Variants in CCT3 observed in about 807,000 individuals in gnomAD.
CCT3 encodes T-complex protein 1 subunit gamma.
In CCT3, 10 loss-of-function variants were observed where a neutral mutation model predicts 65.3. That is an observed-to-expected ratio of 0.15 (90% CI 0.09 to 0.26). The LOEUF (loss-of-function observed/expected upper bound fraction) is 0.26. CCT3 is among the 10% of genes least tolerant of loss of function. CCT3 has a pLI of 1.00. For missense variants in CCT3, 626 were observed against 708.7 expected (o/e 0.88, Z 1.33); for synonymous variants, 225 against 242.3 (o/e 0.93, Z 0.66).
intron 5 of CCT3, among the ~76,000 whole-genome samples, chr1:156,329,917 C>T (rs182755515): frequency 2.1e-4 from 31 of 149,564 alleles, no homozygotes; most frequent in Admixed American, 2.0e-3. Flanking sequence ...CCAGCCTGGG[C>T]GACAGTATGA....
At chr1:156,335,537 C>T in intron 2 of CCT3, 1 of 370,288 alleles carries the variant, frequency 2.7e-6, no homozygotes, top group East Asian at 4.4e-5. Context: ...TACTTATGTT[C>T]AAGTAACTCA....
intron 5 of CCT3, chr1:156,332,544 A>C (rs941579823): frequency 6.6e-6 from 1 of 152,224 alleles, no homozygotes; most frequent in Non-Finnish European, 1.5e-5. Context: ...ATAGTCATTC[A>C]TGGAAATTCA....
intron 10 of CCT3, among the ~76,000 whole-genome samples, chr1:156,313,226 C>A (rs1001769299): frequency 6.6e-6 from 1 of 151,648 alleles, no homozygotes; most frequent in African/African-American, 2.4e-5. Context: ...GTACTCCCAG[C>A]TACTTGGGAG....
intron 10 of CCT3, among the ~76,000 whole-genome samples, chr1:156,312,641 G>C (rs1361984594): frequency 1.3e-5 from 2 of 150,126 alleles, no homozygotes; most frequent in African/African-American, 4.9e-5. Context: ...CTAGATAACA[G>C]AGTGGGACCC....
chr1:156,317,590 T>C lies in CCT3; in HGVS notation c.760-43A>G, dbSNP rs199936116. 154 of 1,582,220 alleles carry C rather than the reference T, an allele frequency of 9.7e-5. 1 individual carries two copies. The highest frequency in any genetic ancestry group is 1.7e-5 in the Non-Finnish European group (20 of 1,158,976). On this transcript the variant is annotated intron_variant, in intron 8 of 13. Coordinates refer to ENST00000295688, the MANE Select transcript of CCT3 (RefSeq NM_005998.5). ...GACACTGATTTTAAAATCCCTGGAC[T>C]GGTGAAGCTCTAAGGGTCATATTAT...
At chr1:156,335,717 C>T in intron 2 of CCT3, 110 bp downstream of exon 2, 2 of 803,144 alleles carry the variant, frequency 2.5e-6, no homozygotes, top group South Asian at 1.8e-5. Context: ...TTTTCCTCTG[C>T]CTATTTGCCT....
At chr1:156,323,058 G>A (rs1175156668) in intron 6 of CCT3, among the ~76,000 whole-genome samples, 2 of 151,882 alleles carry the variant, frequency 1.3e-5, no homozygotes, top group African/African-American at 4.8e-5. Context: ...TGTAATCCCA[G>A]CACTTCGGGA....
At position 156,320,983 on chromosome 1, in the gene CCT3, G is replaced by A; in HGVS notation, c.465C>T (p.Ile155=). 1 of 1,614,088 alleles carries A rather than the reference G, an allele frequency of 6.2e-7. No homozygotes were observed. Among genetic ancestry groups the A allele is most frequent in the Non-Finnish European group, 8.5e-7 (1 of 1,179,968 alleles). The change falls in exon 7 of 14, where the codon ATC becomes ATT. Residue 155 remains isoleucine, a synonymous_variant. Transcript: ENST00000295688. ...CTTTGGTAGTAATAGAGCTGTTGAT[G>A]ATGTTCAGCATCATATCACTGTCAC... The part of the protein sequence containing the change: ...DISDSDMMLN[I]INSSITTKAI...
intron 5 of CCT3, among the ~76,000 whole-genome samples, chr1:156,331,057 T>A (rs974906862): frequency 1.3e-5 from 2 of 151,028 alleles, no homozygotes; most frequent in Non-Finnish European, 2.9e-5. Context: ...TATGGTGAAA[T>A]CCCGTCACTA....
intron 7 of CCT3, among the ~76,000 whole-genome samples, chr1:156,319,732 G>C (rs977857033): frequency 2.0e-5 from 3 of 152,038 alleles, no homozygotes; most frequent in Non-Finnish European, 4.4e-5. Context: ...TAAGGGCTTA[G>C]GTCTCTCCAA....
At chr1:156,311,246 A>G (rs370446552) in intron 11 of CCT3, 51 bp from the exon 12 acceptor site, 1 of 1,573,528 alleles carries the variant, frequency 6.4e-7, no homozygotes, top group Non-Finnish European at 8.6e-7. Context: ...GACTCATAAA[A>G]TCGGAGGCAC....
In CCT3 at chr1:156,312,142, T is replaced by C. The variant is rs770072099; in HGVS notation, c.1054A>G (p.Ile352Val). The C allele has an allele frequency of 2.5e-5, 41 of 1,614,008 alleles. No homozygotes were observed. The highest frequency in any genetic ancestry group is 3.2e-5 in the Non-Finnish European group (38 of 1,180,020). ...DVGTGAGLLE[I>V]KKIGDEYFTF... ...AAGTATTCATCTCCAATTTTCTTGA[T>C]TTCCAACAGGCCTGCTCCTGTTCCA... is the stretch of plus-strand genomic sequence containing the variant. The change falls in exon 11 of 14, where the codon ATC becomes GTC. Residue 352 changes from isoleucine to valine, a missense_variant. Physicochemically the swap from Ile to Val is conservative, Grantham distance 29 (BLOSUM62 3). Coordinates refer to ENST00000295688, the MANE Select transcript of CCT3 (RefSeq NM_005998.5).
rs1358618952 is a variant in CCT3 at position 156,312,137 on chromosome 1, C to G, written c.1059G>C (p.Lys353Asn). The change falls in exon 11 of 14, where the codon AAG becomes AAC. Residue 353 changes from lysine (K) to asparagine (N), a missense_variant. Lys to Asn is a moderately conservative substitution (Grantham distance 94). Coordinates refer to ENST00000295688, the MANE Select transcript of CCT3 (RefSeq NM_005998.5). The part of the protein sequence containing the change: ...VGTGAGLLEI[K>N]KIGDEYFTFI... Reference sequence around the variant, plus strand: ...AAGTAAAGTATTCATCTCCAATTTTCTTGATTTCCAACAGGCCTGCTCCTG... The same window carrying G: ...AAGTAAAGTATTCATCTCCAATTTTGTTGATTTCCAACAGGCCTGCTCCTG... 3.7e-6 allele frequency: 6 copies of G among 1,614,046 alleles called. No individual in the cohort carries two copies. The highest frequency in any genetic ancestry group is 1.1e-5 in the South Asian group (1 of 91,080).
At chr1:156,327,225 C>CT (rs1427765185) in intron 5 of CCT3, among the ~76,000 whole-genome samples, 1 of 152,216 alleles carries the variant, frequency 6.6e-6, no homozygotes, top group Non-Finnish European at 1.5e-5. Context: ...TACCTGCTTA[C>CT]TGGCAGGTAA....
At position 156,318,996 on chromosome 1, in the gene CCT3, C is replaced by T. The variant is rs750632111; in HGVS notation, c.631G>A (p.Asp211Asn). ...ATGACTCCACGCAAGACACAGGAGT[C>T]TTCAATGATGCCTCCAGGTATCTGA... The part of the protein sequence containing the change: ...VEKIPGGIIE[D>N]SCVLRGVMIN... Residue 211 changes from aspartate (D) to asparagine (N), a missense_variant, in exon 8 of 14, where the codon GAC becomes AAC. By Grantham distance (23) the Asp-to-Asn change is conservative (BLOSUM62 1). Transcript: ENST00000295688. 33 of 1,610,286 alleles carry T rather than the reference C, an allele frequency of 2.0e-5. No individual in the cohort carries two copies. In the South Asian group the frequency reaches 3.3e-4, roughly 16 times the overall value.
chr1:156,333,291 C>CAA (rs35038881), intron 5 of CCT3: 1,459 of 237,372 alleles, frequency 6.1e-3, no homozygotes, highest in South Asian at 0.012. Flanking sequence ...GACTCTGTCT[C>CAA]AAAAAAAAAA....
rs2101627552 is a variant in CCT3 at position 156,311,049 on chromosome 1, T to C, written c.1302A>G (p.Gln434=). ...EKSKAMTGVE[Q]WPYRAVAQAL... is the part of the protein sequence containing the mutation. ...CCTGGGCAACAGCCCTGTATGGCCA[T>C]TGTTCCACACCAGTCATGGCCTTGG... Residue 434 remains glutamine, a synonymous_variant, in exon 12 of 14, where the codon CAA becomes CAG. Transcript: ENST00000295688. 6.2e-7 allele frequency: 1 copy of C among 1,614,086 alleles called. No homozygotes were observed. Among genetic ancestry groups the C allele is most frequent in the Non-Finnish European group, 8.5e-7 (1 of 1,180,012 alleles).
chr1:156,310,987 C>G lies in CCT3; in HGVS notation c.1364G>C (p.Cys455Ser). The change falls in exon 12 of 14, where the codon TGT becomes TCT. Residue 455 changes from cysteine (C) to serine (S), a missense_variant. Physicochemically the swap from Cys to Ser is moderately radical, Grantham distance 112 (BLOSUM62 -1). Transcript: ENST00000295688. ...EVIPRTLIQN[C>S]GASTIRLLTS... ...AAGTAGACGGATGGTGCTGGCCCCA[C>G]AGTTCTGGATCAGGGTACGAGGAAT... 6.2e-7 allele frequency: 1 copy of G among 1,614,198 alleles called. No individual in the cohort carries two copies. The highest frequency in any genetic ancestry group is 8.5e-7 in the Non-Finnish European group (1 of 1,180,042).
At chr1:156,325,909 T>G (rs946312877) in intron 5 of CCT3, among the ~76,000 whole-genome samples, 1 of 151,952 alleles carries the variant, frequency 6.6e-6, no homozygotes, top group African/African-American at 2.4e-5. Context: ...AAAAAAAAAT[T>G]TCCCTGAAGG....
Sources: allele counts gnomAD v4.1 joint callset (sites outside exome capture counted in the v4.1 genomes callset), GRCh38; gene constraint gnomAD v4.1.1; transcripts MANE v1.5; gene names NCBI Gene and HGNC (gene_info 2026-07-23, HGNC 2026-07-21).